Variants in BPIFA2 observed in about 807,000 individuals in gnomAD.
BPIFA2 encodes BPI fold containing family A member 2, also known as BPI fold-containing family A member 2.
Under a neutral mutation model 25.7 loss-of-function variants are expected in BPIFA2, and 20 were observed. The observed-to-expected ratio is 0.78, with a 90% CI of 0.55 to 1.13. The LOEUF is 1.13. Among genes scored for constraint, BPIFA2 ranks in the 50% most tolerant of loss-of-function variants. The pLI, the probability that BPIFA2 is intolerant of heterozygous loss-of-function variation, is 0.00. For missense variants in BPIFA2, 300 were observed against 298.1 expected (o/e 1.01, Z -0.05); for synonymous variants, 126 against 124.3 (o/e 1.01, Z -0.09).
chr20:33,172,810 T>G (rs1245653888), intron 2 of BPIFA2, 122 bp from the exon 3 acceptor site: 10 of 1,102,084 alleles, frequency 9.1e-6, no homozygotes, highest in Non-Finnish European at 1.3e-5. Context: ...CAATATCTAC[T>G]TCACTGAGTT....
upstream of BPIFA2, among the ~76,000 whole-genome samples, chr20:33,165,600 A>G (rs1983699760): frequency 6.6e-6 from 1 of 152,218 alleles, no homozygotes; most frequent in Non-Finnish European, 1.5e-5. Context: ...CAGGTATGGA[A>G]AAAGATACCA....
rs776951258 is a variant in BPIFA2 at position 33,180,578 on chromosome 20, G to C, written c.*18G>C. 4.3e-6 allele frequency: 7 copies of C among 1,609,304 alleles called. No individual in the cohort carries two copies. The highest frequency in any genetic ancestry group is 5.1e-6 in the Non-Finnish European group (6 of 1,175,754). On this transcript the variant is annotated 3_prime_UTR_variant, in exon 8 of 9. Transcript: ENST00000354932. The stretch of plus-strand genomic sequence containing the variant: ...TCATCTGAAGAGGACGAATGAGGAG[G>C]ACCACTGTGGTGCATGCTGGTGAGG...
At chr20:33,180,226 GAAAA>G (rs928919256) in intron 7 of BPIFA2, among the ~76,000 whole-genome samples, 1 of 138,326 alleles carries the variant, frequency 7.2e-6, no homozygotes, top group African/African-American at 2.6e-5. Flanking sequence ...CTCAAAAAAA[GAAAA>G]AAAAAAAGAA....
At chr20:33,172,481 G>A (rs545624177) in intron 2 of BPIFA2, among the ~76,000 whole-genome samples, 2 of 152,172 alleles carry the variant, frequency 1.3e-5, no homozygotes, top group East Asian at 3.9e-4. Flanking sequence ...CCAGTTTCAT[G>A]GATTGGAGCC....
At position 33,173,068 on chromosome 20, in the gene BPIFA2, C is replaced by T. The variant is rs2146453422; in HGVS notation, c.294C>T (p.Asp98=). 7 of 1,613,724 alleles carry T rather than the reference C, an allele frequency of 4.3e-6. No individual in the cohort carries two copies. The highest frequency in any genetic ancestry group is 4.0e-5 in the African/African-American group (3 of 75,018). Residue 98 remains aspartate, a synonymous_variant, in exon 3 of 9, where the codon GAC becomes GAT. Transcript: ENST00000354932. ...CTAAGCTGCTTCCAACTAACACGGA[C>T]ATTTTTGGGTGAGTTGGTCCTTCAG... ...VISKLLPTNT[D]IFGLKISNSL...
chr20:33,169,360 C>A, intron 2 of BPIFA2, 58 bp downstream of exon 2: 1 of 1,558,116 alleles, frequency 6.4e-7, no homozygotes, highest in Non-Finnish European at 8.8e-7. Flanking sequence ...AACACTATGC[C>A]TGCATTACCA....
At chr20:33,169,325 C>T (rs991072460) in intron 2 of BPIFA2, 23 bp downstream of exon 2, 3 of 1,610,420 alleles carry the variant, frequency 1.9e-6, no homozygotes, top group Admixed American at 3.3e-5. Flanking sequence ...GGGTGATGAA[C>T]AGTGTCACCT....
rs754230174 is a variant in BPIFA2 at position 33,175,516 on chromosome 20, T to C, written c.520T>C (p.Cys174Arg). 2 of 1,614,124 alleles carry C rather than the reference T, an allele frequency of 1.2e-6. No homozygotes were observed. Among genetic ancestry groups the C allele is most frequent in the Non-Finnish European group, 1.7e-6 (2 of 1,180,020 alleles). ...CCAGCCTGTTGCCGTCCTGGGAGAA[T>C]GCGCCAGTGACCCAACCAGCATCTC... ...THQPVAVLGE[C>R]ASDPTSISLS... Residue 174 changes from cysteine to arginine, a missense_variant, in exon 5 of 9, where the codon TGC (cysteine) becomes CGC (arginine). Physicochemically the swap from Cys to Arg is radical, Grantham distance 180. Coordinates refer to ENST00000354932, the MANE Select transcript of BPIFA2 (RefSeq NM_080574.4).
At chr20:33,173,312 G>A (rs1165499607) in intron 3 of BPIFA2, among the ~76,000 whole-genome samples, 2 of 152,200 alleles carry the variant, frequency 1.3e-5, no homozygotes, top group Non-Finnish European at 2.9e-5. Flanking sequence ...TTCAGGGTCA[G>A]GGTGAAGGTT....
In BPIFA2 at chr20:33,178,178, A is replaced by G; in HGVS notation, c.595A>G (p.Ser199Gly). 16 of 1,607,940 alleles carry G rather than the reference A, an allele frequency of 1.0e-5. No homozygotes were observed. The highest frequency in any genetic ancestry group is 1.4e-5 in the Non-Finnish European group (16 of 1,175,678). Residue 199 changes from serine (S) to glycine (G), a missense_variant, in exon 6 of 9, where the codon AGC becomes GGC. Ser to Gly is a moderately conservative substitution (Grantham distance 56). Coordinates refer to ENST00000354932, the MANE Select transcript of BPIFA2 (RefSeq NM_080574.4). Reference protein sequence around the residue: ...HSQIINKFVNSVINTLKSTVS... With the variant: ...HSQIINKFVNGVINTLKSTVS... The stretch of plus-strand genomic sequence containing the variant: ...CCAAATCATCAACAAGTTCGTGAAT[A>G]GCGTGATCAACACGCTGAAAAGCAC...
rs376072553 is a variant in BPIFA2 at position 33,173,069 on chromosome 20, A to T, written c.295A>T (p.Ile99Phe). The stretch of plus-strand genomic sequence containing the variant: ...TAAGCTGCTTCCAACTAACACGGAC[A>T]TTTTTGGGTGAGTTGGTCCTTCAGG... ...ISKLLPTNTD[I>F]FGLKISNSLI... is the part of the protein sequence containing the mutation. Residue 99 changes from isoleucine (I) to phenylalanine (F), a missense_variant, in exon 3 of 9, where the codon ATT becomes TTT. Ile to Phe is a conservative substitution (Grantham distance 21, BLOSUM62 0). Coordinates refer to ENST00000354932, the MANE Select transcript of BPIFA2 (RefSeq NM_080574.4). 6.8e-6 allele frequency: 11 copies of T among 1,613,796 alleles called. No individual in the cohort carries two copies. In the East Asian group the frequency reaches 2.5e-4, roughly 36 times the overall value.
chr20:33,179,096 T>C (rs1984183459), intron 6 of BPIFA2, among the ~76,000 whole-genome samples: 1 of 151,986 alleles, frequency 6.6e-6, no homozygotes, highest in South Asian at 2.1e-4. Flanking sequence ...CACCCTAGGG[T>C]TTCCAGATTT....
intron 2 of BPIFA2, among the ~76,000 whole-genome samples, chr20:33,172,449 G>A (rs1005245474): frequency 6.6e-5 from 10 of 152,068 alleles, no homozygotes; most frequent in Non-Finnish European, 1.3e-4. Context: ...CTGGAAAGCT[G>A]TCATTCTGGG....
upstream of BPIFA2, among the ~76,000 whole-genome samples, chr20:33,163,985 T>A (rs891301206): frequency 1.3e-5 from 2 of 152,060 alleles, no homozygotes; most frequent in African/African-American, 4.8e-5. Context: ...AGTCCCTGCC[T>A]CTGGTTGCTG....
chr20:33,180,750 G>T (rs780660350), intron 8 of BPIFA2, among the ~76,000 whole-genome samples, 153 bp downstream of exon 8: 12 of 152,148 alleles, frequency 7.9e-5, no homozygotes, highest in African/African-American at 1.2e-4. Flanking sequence ...CCCTGATTCT[G>T]GTCACACTCT....
At chr20:33,165,004 A>G (rs1330998384), upstream of BPIFA2, among the ~76,000 whole-genome samples, 1 of 152,228 alleles carries the variant, frequency 6.6e-6, no homozygotes, top group Non-Finnish European at 1.5e-5. Flanking sequence ...GGGGTCTATT[A>G]GTGTCCAGAT....
At chr20:33,171,582 T>C (rs970070252) in intron 2 of BPIFA2, among the ~76,000 whole-genome samples, 5 of 152,168 alleles carry the variant, frequency 3.3e-5, no homozygotes, top group South Asian at 2.1e-4. Flanking sequence ...GCAAAGGATA[T>C]GAACAGACAC....
Position 33,173,020 on chromosome 20 carries a change from G to A in BPIFA2, c.246G>A (p.Glu82=). 1 of 1,614,110 alleles carries A rather than the reference G, an allele frequency of 6.2e-7. No homozygotes were observed. Among genetic ancestry groups the A allele is most frequent in the Non-Finnish European group, 8.5e-7 (1 of 1,180,014 alleles). ...CCAAGCAGAAGGCCCAGGAAGCTGA[G>A]AAATTGCTGAACAATGTCATTTCTA... ...QLAKQKAQEA[E]KLLNNVISKL... is the part of the protein sequence containing the mutation. The change falls in exon 3 of 9, where the codon GAG becomes GAA. Residue 82 remains glutamate (E), a synonymous_variant. Transcript: ENST00000354932.
intron 3 of BPIFA2, among the ~76,000 whole-genome samples, chr20:33,173,281 C>T (rs150456382): frequency 6.6e-4 from 101 of 152,228 alleles, no homozygotes; most frequent in African/African-American, 2.0e-3. Context: ...CTTATGGGTT[C>T]GGGCTTCCGC....
Sources: gnomAD v4.1 joint callset for allele counts (sites outside exome capture counted in the v4.1 genomes callset) on GRCh38, gnomAD v4.1.1 for gene constraint, MANE v1.5 for transcripts, NCBI Gene and HGNC (gene_info 2026-07-23, HGNC 2026-07-21) for gene names.